Variants in FRMD6 observed in about 807,000 individuals in gnomAD.
FRMD6 encodes FERM domain containing 6.
Under a neutral mutation model 73.2 loss-of-function variants are expected in FRMD6, and 37 were observed. The observed-to-expected ratio is 0.51, with a 90% CI of 0.39 to 0.66. The LOEUF (loss-of-function observed/expected upper bound fraction) is 0.66. Among genes scored for constraint, FRMD6 ranks in the 30% least tolerant of loss-of-function variants. The probability of loss-of-function intolerance (pLI) is 0.00; values close to 1 mark genes in which losing one functional copy is unlikely to be tolerated. For missense variants in FRMD6, 714 were observed against 780.5 expected, an observed-to-expected ratio of 0.91 and a Z score of 1.02; for synonymous variants, 273 against 282.2, an observed-to-expected ratio of 0.97 and a Z score of 0.33.
At chr14:51,402,474 C>T in the FRMD6 span, among the ~76,000 whole-genome samples, 1 of 152,026 alleles carries the variant, frequency 6.6e-6, no homozygotes, top group Non-Finnish European at 1.5e-5. Flanking sequence ...CGGGAGTTTC[C>T]CTGCAAAAGC....
chr14:51,523,866 C>T (rs1885081798), intron 1 of FRMD6, among the ~76,000 whole-genome samples: 1 of 152,128 alleles, frequency 6.6e-6, no homozygotes. Context: ...TGCTCTATAA[C>T]AGTGTTGTTG....
chr14:51,396,692 G>T, the FRMD6 span, among the ~76,000 whole-genome samples: 1 of 152,184 alleles, frequency 6.6e-6, no homozygotes, highest in African/African-American at 2.4e-5. Context: ...CAAGGAGAAG[G>T]CCCAGTTTTC....
In FRMD6 at chr14:51,728,130, T is replaced by G; in HGVS notation, c.*101T>G. 9.7e-7 allele frequency: 1 copy of G among 1,028,554 alleles called. No homozygotes were observed. The highest frequency in any genetic ancestry group is 1.4e-6 in the Non-Finnish European group (1 of 715,542). 63.7% of individuals were successfully genotyped at this position (1,028,554 alleles called of 1,614,324 possible). ...TACTTGTGCCATATCTTCTTCACCC[T>G]AAACATAGCTCTTTCTTTATAATAT... On this transcript the variant is annotated 3_prime_UTR_variant, in exon 14 of 14. Transcript: ENST00000344768.
At chr14:51,616,692 A>G (rs947902454) in intron 2 of FRMD6, among the ~76,000 whole-genome samples, 2 of 152,132 alleles carry the variant, frequency 1.3e-5, no homozygotes, top group African/African-American at 4.8e-5. Flanking sequence ...AGCCATTTTT[A>G]TGCATTCTAG....
At chr14:51,487,075 G>T (rs529891317), upstream of FRMD6, among the ~76,000 whole-genome samples, 1 of 152,056 alleles carries the variant, frequency 6.6e-6, no homozygotes, top group Non-Finnish European at 1.5e-5. Context: ...CTCAGTATGG[G>T]TTTGGGAATC....
At chr14:51,531,362 C>T (rs1368834852) in intron 1 of FRMD6, among the ~76,000 whole-genome samples, 1 of 151,946 alleles carries the variant, frequency 6.6e-6, no homozygotes, top group African/African-American at 2.4e-5. Flanking sequence ...GTCAAACAAG[C>T]CAAAATTGAG....
chr14:51,595,613 C>G (rs529211906), intron 2 of FRMD6, among the ~76,000 whole-genome samples: 1 of 152,194 alleles, frequency 6.6e-6, no homozygotes, highest in South Asian at 2.1e-4. Flanking sequence ...GCCACATCTG[C>G]CAAATCAAAG....
the FRMD6 span, among the ~76,000 whole-genome samples, chr14:51,452,229 C>A: frequency 4.6e-5 from 7 of 152,214 alleles, no homozygotes; most frequent in African/African-American, 1.7e-4. Context: ...GCTGGACAGG[C>A]AGATGGAAGA....
chr14:51,646,193 C>T (rs1027951665), intron 2 of FRMD6, among the ~76,000 whole-genome samples: 4 of 151,630 alleles, frequency 2.6e-5, no homozygotes, highest in African/African-American at 9.7e-5. Context: ...TGGCACGCGC[C>T]TGTAGTCTCG....
At chr14:51,581,371 A>G (rs1248071718) in intron 2 of FRMD6, among the ~76,000 whole-genome samples, 1 of 152,212 alleles carries the variant, frequency 6.6e-6, no homozygotes, top group Non-Finnish European at 1.5e-5. Context: ...CAAGATGAGT[A>G]AGGCAATTCC....
the FRMD6 span, among the ~76,000 whole-genome samples, chr14:51,456,646 A>G: frequency 6.6e-6 from 1 of 152,068 alleles, no homozygotes; most frequent in East Asian, 1.9e-4. Flanking sequence ...GTGTCTGTTC[A>G]TATCCAGCAA....
chr14:51,555,209 C>CT (rs1316831947), intron 1 of FRMD6, among the ~76,000 whole-genome samples: 1 of 152,196 alleles, frequency 6.6e-6, no homozygotes, highest in Non-Finnish European at 1.5e-5. Context: ...GCATACATGA[C>CT]TATCACCGGG....
At chr14:51,550,821 G>T (rs956808594) in intron 1 of FRMD6, among the ~76,000 whole-genome samples, 9 of 152,138 alleles carry the variant, frequency 5.9e-5, no homozygotes, top group African/African-American at 2.2e-4. Context: ...AGTTTCCCTT[G>T]CCTCTCTGAG....
At chr14:51,670,858 G>C (rs942710771) in intron 1 of FRMD6, among the ~76,000 whole-genome samples, 111 of 152,132 alleles carry the variant, frequency 7.3e-4, no homozygotes, top group African/African-American at 2.6e-3. Context: ...TGTTGGCCAG[G>C]CTGGTCTCGA....
At chr14:51,419,806 C>T in the FRMD6 span, among the ~76,000 whole-genome samples, 1 of 152,180 alleles carries the variant, frequency 6.6e-6, no homozygotes, top group South Asian at 2.1e-4. Context: ...CATGTGAGTT[C>T]CTTCTCTTGT....
chr14:51,722,162 G>A (rs1397203114), intron 12 of FRMD6, 82 bp downstream of exon 12: 7 of 1,495,042 alleles, frequency 4.7e-6, no homozygotes, highest in Non-Finnish European at 5.5e-6. Context: ...AATAGAAGGG[G>A]TGAGCTGGGG....
upstream of FRMD6, chr14:51,650,151 G>C (rs1892267706): frequency 6.6e-6 from 1 of 152,162 alleles, no homozygotes; most frequent in Non-Finnish European, 1.5e-5. Flanking sequence ...AGTTTTATCA[G>C]AAATAAGTTC....
At chr14:51,714,097 A>T (rs964752213) in intron 9 of FRMD6, 1 of 152,168 alleles carries the variant, frequency 6.6e-6, no homozygotes, top group African/African-American at 2.4e-5. Flanking sequence ...TGCTTCTTGA[A>T]GCCAACTCAG....
At chr14:51,715,291 C>G in intron 9 of FRMD6, 34 bp from the exon 10 acceptor site, 1 of 1,437,778 alleles carries the variant, frequency 7.0e-7, no homozygotes, top group South Asian at 1.6e-5. Context: ...AGAGATTTTT[C>G]TTCCTGAATT....
Sources: gnomAD v4.1 joint callset for allele counts (sites outside exome capture counted in the v4.1 genomes callset) on GRCh38, gnomAD v4.1.1 for gene constraint, MANE v1.5 for transcripts, NCBI Gene and HGNC (gene_info 2026-07-23, HGNC 2026-07-21) for gene names.